Variants in ESYT2 observed in about 807,000 individuals in gnomAD.
The protein encoded by ESYT2 is extended synaptotagmin-2.
ESYT2 carries 54 observed loss-of-function variants against 107.2 expected under a neutral mutation model. That is an observed-to-expected ratio of 0.50 (90% CI 0.40 to 0.63). The LOEUF (loss-of-function observed/expected upper bound fraction) is 0.63, where lower values mean the gene tolerates loss of function less well. Ranked by LOEUF, ESYT2 falls within the 30% of genes least tolerant of loss-of-function variation. ESYT2 has a pLI of 0.00. For synonymous variants in ESYT2, 491 were observed against 434.1 expected (o/e 1.13, Z -1.63); for missense variants, 1,020 against 1,094.5 (o/e 0.93, Z 0.96).
At chr7:158,742,979 T>C (rs977125154) in intron 17 of ESYT2, among the ~76,000 whole-genome samples, 4 of 152,240 alleles carry the variant, frequency 2.6e-5, no homozygotes, top group Non-Finnish European at 4.4e-5. Context: ...CTTAAAAAGC[T>C]GGCTCTTTAT....
intron 7 of ESYT2, among the ~76,000 whole-genome samples, chr7:158,772,926 A>T (rs1179912925): frequency 6.7e-6 from 1 of 149,900 alleles, no homozygotes; most frequent in Non-Finnish European, 1.5e-5. Flanking sequence ...AGGGTGGGGT[A>T]GCCATAGGCT....
intron 8 of ESYT2, among the ~76,000 whole-genome samples, chr7:158,766,072 G>A (rs781729557): frequency 6.6e-6 from 1 of 151,974 alleles, no homozygotes; most frequent in Non-Finnish European, 1.5e-5. Context: ...TGGCGGCTGA[G>A]GTGGAAGAAT....
rs1416073149 is a variant in ESYT2 at position 158,793,649 on chromosome 7, C to G, written c.584+1G>C. 1 of 1,603,738 alleles carries G rather than the reference C, an allele frequency of 6.2e-7. No homozygotes were observed. The highest frequency in any genetic ancestry group is 8.5e-7 in the Non-Finnish European group (1 of 1,171,268). ...CACAAATATAACAAATAAAAACTTA[C>G]CTAATCTGAAGGTCCAAAATAATTT... On this transcript the variant is annotated splice_donor_variant, in intron 4 of 22. Coordinates refer to ENST00000275418, the MANE Select transcript of ESYT2 (RefSeq NM_001367773.1). LOFTEE classifies it high-confidence loss of function.
At chr7:158,786,710 G>A (rs779096946) in intron 6 of ESYT2, among the ~76,000 whole-genome samples, 10 of 152,104 alleles carry the variant, frequency 6.6e-5, no homozygotes, top group Non-Finnish European at 1.3e-4. Flanking sequence ...AGATAAACCC[G>A]TATTTTAAAA....
rs373520437 is a variant in ESYT2 at position 158,747,585 on chromosome 7, G to A, written c.1644+609C>T. Among the ~76,000 whole-genome samples, 36 of 152,206 alleles carry A rather than the reference G, an allele frequency of 2.4e-4. 1 individual carries two copies. The highest frequency in any genetic ancestry group is 2.3e-3 in the South Asian group (11 of 4,820). On this transcript the variant is annotated intron_variant, in intron 16 of 22. Transcript: ENST00000275418. ...ACAGCACTGGCGAGATGTGGGGCCC[G>A]CTCGACTCACATGCACTTCGGTGGG...
intron 16 of ESYT2, 71 bp from the exon 17 acceptor site, chr7:158,743,749 G>C: frequency 6.7e-7 from 1 of 1,484,470 alleles, no homozygotes; most frequent in South Asian, 1.3e-5. Flanking sequence ...CGTTGTCTAC[G>C]CTCCTGACCC....
chr7:158,760,068 T>G lies in ESYT2; in HGVS notation c.1313A>C (p.Asn438Thr). 1 of 1,614,174 alleles carries G rather than the reference T, an allele frequency of 6.2e-7. No individual in the cohort carries two copies. Among genetic ancestry groups the G allele is most frequent in the Non-Finnish European group, 8.5e-7 (1 of 1,180,014 alleles). The change falls in exon 12 of 23, where the codon AAC (asparagine) becomes ACC (threonine). Residue 438 changes from asparagine (N) to threonine (T), a missense_variant. Physicochemically the swap from Asn to Thr is moderately conservative, Grantham distance 65. Coordinates refer to ENST00000275418, the MANE Select transcript of ESYT2 (RefSeq NM_001367773.1). ...ATGCTTCAACAGCACCTTGTCGAGG[T>G]TTGACGCATTTGGCATTAACGTGAG... ...EWLTLMPNAS[N>T]LDKVLTDIKA...
intron 4 of ESYT2, among the ~76,000 whole-genome samples, chr7:158,789,068 T>C (rs901459745): frequency 1.3e-5 from 2 of 152,322 alleles, no homozygotes; most frequent in East Asian, 3.9e-4. Flanking sequence ...GTGTAGGACC[T>C]GAACCCAACC....
At chr7:158,738,665 C>G (rs1837073745) in intron 19 of ESYT2, among the ~76,000 whole-genome samples, 1 of 152,086 alleles carries the variant, frequency 6.6e-6, no homozygotes, top group Admixed American at 6.6e-5. Flanking sequence ...TTTGGTCAGG[C>G]TGGTCTCGAA....
At chr7:158,763,351 G>C (rs574174194) in intron 9 of ESYT2, among the ~76,000 whole-genome samples, 186 bp from the exon 10 acceptor site, 1 of 152,034 alleles carries the variant, frequency 6.6e-6, no homozygotes, top group Admixed American at 6.6e-5. Context: ...TTGGAGTGCA[G>C]TGGCACAATC....
At chr7:158,808,225 G>C (rs1456519846) in intron 1 of ESYT2, among the ~76,000 whole-genome samples, 2 of 152,218 alleles carry the variant, frequency 1.3e-5, no homozygotes, top group African/African-American at 4.8e-5. Flanking sequence ...GAAACTTCCA[G>C]AAACAAACAA....
chr7:158,741,777 A>C lies in ESYT2; in HGVS notation c.1914T>G (p.Ser638=). 1 of 1,614,048 alleles carries C rather than the reference A, an allele frequency of 6.2e-7. No individual in the cohort carries two copies. Among genetic ancestry groups the C allele is most frequent in the African/African-American group, 1.3e-5 (1 of 75,006 alleles). The stretch of plus-strand genomic sequence containing the variant: ...CTGTGTTGCTGCCACCAGGGCCTGG[A>C]GACCCAGACATATGAGATTTGATGG... ...KTSIKSHMSG[S]PGPGGSNTAP... Residue 638 remains serine (S), a synonymous_variant, in exon 18 of 23, where the codon TCT becomes TCG. Transcript: ENST00000275418.
Position 158,817,540 on chromosome 7 carries a change from C to CCGCTTCCAGG in ESYT2, c.330+11548_330+11549insCCTGGAAGCG, listed in dbSNP as rs1388663375. On this transcript the variant is annotated intron_variant, in intron 1 of 22. Transcript: ENST00000275418. ...GTCCCACCTTTCTGAACCAATGTACCTGCTTCCAGGTGTCCCACCTTTCTG... is the reference window on the plus strand; with the variant it reads ...GTCCCACCTTTCTGAACCAATGTACCCGCTTCCAGGTGCTTCCAGGTGTCCCACCTTTCTG... Among the ~76,000 whole-genome samples the CCGCTTCCAGG allele has an allele frequency of 3.6e-4, 55 of 152,364 alleles. 1 individual carries two copies. Among genetic ancestry groups the CCGCTTCCAGG allele is most frequent in the Non-Finnish European group, 5.6e-4 (38 of 68,032 alleles).
intron 1 of ESYT2, among the ~76,000 whole-genome samples, chr7:158,826,836 A>AAAC (rs1554429110): frequency 6.7e-6 from 1 of 148,176 alleles, no homozygotes; most frequent in Non-Finnish European, 1.5e-5. Context: ...AAAAAAAAAA[A>AAAC]TTTCAGTTCT....
chr7:158,759,555 T>C lies in ESYT2; in HGVS notation c.1350A>G (p.Lys450=). Residue 450 remains lysine (K), a synonymous_variant, in exon 13 of 23, where the codon AAA becomes AAG. Transcript: ENST00000275418. ...DKVLTDIKAD[K]DQANDGLSSA... is the part of the protein sequence containing the mutation. ...AGGAAAGACCATCGTTGGCTTGGTC[T>C]TTGTCAGCTTTGATGTCTGTTAGCA... 4.3e-6 allele frequency: 7 copies of C among 1,612,416 alleles called. No individual in the cohort carries two copies. Among genetic ancestry groups the C allele is most frequent in the Non-Finnish European group, 5.9e-6 (7 of 1,178,580 alleles).
chr7:158,788,248 A>T (rs978284261), intron 5 of ESYT2, 97 bp downstream of exon 5: 2 of 1,301,894 alleles, frequency 1.5e-6, no homozygotes, highest in Admixed American at 5.1e-5. Context: ...ACGTCAAAAA[A>T]ATTCCAAGCT....
chr7:158,769,513 C>T (rs1345792492), intron 7 of ESYT2, among the ~76,000 whole-genome samples: 1 of 152,186 alleles, frequency 6.6e-6, no homozygotes, highest in Non-Finnish European at 1.5e-5. Flanking sequence ...TCCACAGAAG[C>T]GTCTATTGAA....
At chr7:158,742,757 C>T (rs897839150) in intron 17 of ESYT2, among the ~76,000 whole-genome samples, 1 of 152,212 alleles carries the variant, frequency 6.6e-6, no homozygotes, top group Non-Finnish European at 1.5e-5. Context: ...TAGGAAATAA[C>T]GCTGCGGTGA....
intron 6 of ESYT2, among the ~76,000 whole-genome samples, chr7:158,782,150 A>C (rs908540274): frequency 5.3e-5 from 8 of 150,598 alleles, no homozygotes; most frequent in African/African-American, 2.0e-4. Flanking sequence ...TGAGTGAACA[A>C]GTGTGAGTGT....
Sources: gnomAD v4.1 joint callset for allele counts (sites outside exome capture counted in the v4.1 genomes callset) on GRCh38, gnomAD v4.1.1 for gene constraint, MANE v1.5 for transcripts, NCBI Gene and HGNC (gene_info 2026-07-23, HGNC 2026-07-21) for gene names.